SUCLG2: variants seen among roughly 807,000 people sequenced by gnomAD.
The protein encoded by SUCLG2 is succinate-CoA ligase GDP-forming subunit beta, also known as succinate--CoA ligase [GDP-forming] subunit beta, mitochondrial.
In SUCLG2, 42 loss-of-function variants were observed where a neutral mutation model predicts 47.9. That is an observed-to-expected ratio of 0.88 (90% CI 0.69 to 1.14). The LOEUF is 1.14. Among genes scored for constraint, SUCLG2 ranks in the 50% most tolerant of loss-of-function variants. The probability of loss-of-function intolerance (pLI) is 0.00; values close to 1 mark genes in which losing one functional copy is unlikely to be tolerated. For synonymous variants in SUCLG2, 195 were observed against 197.3 expected, an observed-to-expected ratio of 0.99 and a Z score of 0.10; for missense variants, 571 against 525.9, an observed-to-expected ratio of 1.09 and a Z score of -0.84.
intron 1 of SUCLG2, among the ~76,000 whole-genome samples, chr3:67,624,365 T>G (rs761013405): frequency 3.9e-5 from 6 of 152,220 alleles, no homozygotes; most frequent in Non-Finnish European, 8.8e-5. Context: ...AGGTCTGAAG[T>G]CCACTATTTG....
At chr3:67,634,756 T>C (rs9861582) in intron 1 of SUCLG2, among the ~76,000 whole-genome samples, 236 of 152,326 alleles carry the variant, frequency 1.5e-3, no homozygotes, top group Admixed American at 4.4e-3. Context: ...GGGCACAGTA[T>C]CATGAAAATG....
chr3:67,609,421 G>A (rs762218401), intron 2 of SUCLG2, 34 bp downstream of exon 2: 4 of 1,593,650 alleles, frequency 2.5e-6, no homozygotes, highest in South Asian at 1.1e-5. Flanking sequence ...ACTGATTTGG[G>A]CAAGTGTATT....
intron 1 of SUCLG2, among the ~76,000 whole-genome samples, chr3:67,653,446 G>A (rs1033971805): frequency 6.6e-6 from 1 of 152,190 alleles, no homozygotes; most frequent in Non-Finnish European, 1.5e-5. Context: ...GAAATGAAAG[G>A]AGAGGGGTAA....
In SUCLG2 at chr3:67,381,403, C is replaced by A. The variant is rs577181186; in HGVS notation, c.1184-5544G>T. On this transcript the variant is annotated intron_variant, in intron 10 of 10. Coordinates refer to ENST00000307227, the MANE Select transcript of SUCLG2 (RefSeq NM_003848.4). ...CAAGTGTCTGACATCTATTCCCCAA[C>A]CCTCTCCCTGCCTTTACTTCTAAAT... Among the ~76,000 whole-genome samples, 40 of 152,236 alleles carry A rather than the reference C, an allele frequency of 2.6e-4. No homozygotes were observed. The South Asian group carries it at 4.6e-3, about 17-fold the overall frequency.
intron 2 of SUCLG2, among the ~76,000 whole-genome samples, chr3:67,562,053 T>C (rs1355571774): frequency 6.6e-6 from 1 of 152,120 alleles, no homozygotes; most frequent in East Asian, 1.9e-4. Context: ...TCTGCATTTT[T>C]GATGGGGGAA....
At chr3:67,361,088 G>C (rs973434956) in intron 10 of SUCLG2, among the ~76,000 whole-genome samples, 4 of 151,950 alleles carry the variant, frequency 2.6e-5, no homozygotes, top group African/African-American at 9.7e-5. Context: ...AGATAATAGA[G>C]TGACTATAAT....
chr3:67,632,933 A>AC (rs1484859091), intron 1 of SUCLG2, among the ~76,000 whole-genome samples: 10 of 152,320 alleles, frequency 6.6e-5, no homozygotes, highest in Non-Finnish European at 1.5e-4. Flanking sequence ...CTATCACATC[A>AC]CCATAATCAT....
intron 1 of SUCLG2, among the ~76,000 whole-genome samples, chr3:67,647,164 TC>T (rs1308269195): frequency 6.6e-6 from 1 of 151,830 alleles, no homozygotes; most frequent in Admixed American, 6.6e-5. Flanking sequence ...AAGATGCTAG[TC>T]CCCCCACTCC....
intron 2 of SUCLG2, among the ~76,000 whole-genome samples, chr3:67,598,367 A>G (rs1296932181): frequency 1.3e-5 from 2 of 152,168 alleles, no homozygotes; most frequent in African/African-American, 4.8e-5. Context: ...TATTCAGGTA[A>G]CCAAAAACTT....
At chr3:67,400,022 AAACT>A (rs1333576168) in intron 10 of SUCLG2, among the ~76,000 whole-genome samples, 4 of 149,118 alleles carry the variant, frequency 2.7e-5, no homozygotes, top group Admixed American at 6.7e-5. Context: ...CAAAACAAAC[AAACT>A]AACAAACAAA....
At chr3:67,429,758 T>C (rs1279421573) in intron 9 of SUCLG2, among the ~76,000 whole-genome samples, 1 of 152,110 alleles carries the variant, frequency 6.6e-6, no homozygotes, top group Non-Finnish European at 1.5e-5. Context: ...GAGGAAGATC[T>C]ACCAAGCAAA....
intron 10 of SUCLG2, among the ~76,000 whole-genome samples, chr3:67,398,858 C>T (rs1252516893): frequency 2.0e-5 from 3 of 152,006 alleles, no homozygotes; most frequent in Admixed American, 6.6e-5. Flanking sequence ...ATGATGAGTT[C>T]ATGTCCTTTG....
intron 1 of SUCLG2, among the ~76,000 whole-genome samples, chr3:67,635,279 C>A (rs1700990314): frequency 6.6e-6 from 1 of 152,192 alleles, no homozygotes; most frequent in Non-Finnish European, 1.5e-5. Flanking sequence ...AGGCTTTGCA[C>A]TGGTTATCAG....
intron 2 of SUCLG2, among the ~76,000 whole-genome samples, chr3:67,603,805 AC>A (rs1708472852): frequency 6.6e-6 from 1 of 152,226 alleles, no homozygotes; most frequent in Non-Finnish European, 1.5e-5. Context: ...TATGAGAGAC[AC>A]AATCCTTCAC....
intron 1 of SUCLG2, among the ~76,000 whole-genome samples, chr3:67,633,991 C>G (rs1230965699): frequency 6.6e-6 from 1 of 152,120 alleles, no homozygotes; most frequent in Non-Finnish European, 1.5e-5. Context: ...ATAAAGTATT[C>G]ATTTTATAAC....
chr3:67,481,829 G>C (rs183210562), intron 9 of SUCLG2, among the ~76,000 whole-genome samples: 1 of 152,132 alleles, frequency 6.6e-6, no homozygotes, highest in Non-Finnish European at 1.5e-5. Context: ...ATCAAATATC[G>C]GATGGTTTCC....
At chr3:67,545,718 CT>C (rs1006537426) in intron 2 of SUCLG2, among the ~76,000 whole-genome samples, 1 of 150,152 alleles carries the variant, frequency 6.7e-6, no homozygotes, top group Non-Finnish European at 1.5e-5. Context: ...CTCATGCTTT[CT>C]TCCTTTCTCC....
At chr3:67,583,542 C>G (rs1639817314) in intron 2 of SUCLG2, among the ~76,000 whole-genome samples, 1 of 152,194 alleles carries the variant, frequency 6.6e-6, no homozygotes, top group South Asian at 2.1e-4. Flanking sequence ...TAAAACAATG[C>G]TCATTTATTG....
chr3:67,392,457 A>G (rs1318488258), intron 10 of SUCLG2, among the ~76,000 whole-genome samples: 1 of 152,236 alleles, frequency 6.6e-6, no homozygotes, highest in Admixed American at 6.5e-5. Flanking sequence ...GACCTGATCA[A>G]AGTATTAGTT....
Sources: gnomAD v4.1 joint callset for allele counts (sites outside exome capture counted in the v4.1 genomes callset) on GRCh38, gnomAD v4.1.1 for gene constraint, MANE v1.5 for transcripts, NCBI Gene and HGNC (gene_info 2026-07-23, HGNC 2026-07-21) for gene names.